Variants in ADCY10 observed in about 807,000 individuals in gnomAD.
ADCY10 encodes adenylate cyclase type 10.
ADCY10 carries 156 observed loss-of-function variants against 183.3 expected under a neutral mutation model. The observed-to-expected ratio is 0.85, with a 90% confidence interval of 0.75 to 0.97. The LOEUF is 0.97. Among genes scored for constraint, ADCY10 ranks in the 50% least tolerant of loss-of-function variants. ADCY10 has a pLI of 0.00. For synonymous variants in ADCY10, 645 were observed against 670.0 expected (o/e 0.96, Z 0.58); for missense variants, 1,745 against 1,934.3 (o/e 0.90, Z 1.84).
At chr1:167,872,162 A>G (rs902191703) in intron 13 of ADCY10, among the ~76,000 whole-genome samples, 2 of 152,122 alleles carry the variant, frequency 1.3e-5, no homozygotes, top group African/African-American at 4.8e-5. Flanking sequence ...AACATGGAGA[A>G]ACCCCGTCTC....
Position 167,848,445 on chromosome 1 carries a change from G to T in ADCY10, c.2353C>A (p.His785Asn), listed in dbSNP as rs200851103. 8.7e-6 allele frequency: 14 copies of T among 1,613,436 alleles called. No homozygotes were observed. The highest frequency in any genetic ancestry group is 1.1e-5 in the Non-Finnish European group (13 of 1,179,552). The change falls in exon 19 of 33, where the codon CAT (histidine) becomes AAT (asparagine). Residue 785 changes from histidine (H) to asparagine (N), a missense_variant. Physicochemically the swap from His to Asn is moderately conservative, Grantham distance 68. Coordinates refer to ENST00000367851, the MANE Select transcript of ADCY10 (RefSeq NM_018417.6). ...LTEKLNMVTL[H>N]SDKESEEVCH... ...ACTTCTTCACTTTCCTTATCACTAT[G>T]GAGAGTAACCATGTTTAACTTCTCT...
chr1:167,873,414 A>C (rs203822), intron 13 of ADCY10, among the ~76,000 whole-genome samples: 4 of 152,092 alleles, frequency 2.6e-5, no homozygotes, highest in Admixed American at 2.6e-4. Flanking sequence ...ATTGTGGCCC[A>C]ATATTTCTCC....
chr1:167,895,088 A>G (rs1446990058), intron 7 of ADCY10, among the ~76,000 whole-genome samples: 2 of 151,738 alleles, frequency 1.3e-5, no homozygotes, highest in African/African-American at 4.8e-5. Flanking sequence ...AGGCTGAGGC[A>G]GGAGAATCGC....
intron 6 of ADCY10, among the ~76,000 whole-genome samples, chr1:167,898,327 G>A (rs897728226): frequency 4.6e-5 from 7 of 152,134 alleles, no homozygotes; most frequent in Non-Finnish European, 5.9e-5. Flanking sequence ...GAGGCTGGGC[G>A]TGGTGGCTTA....
rs1664272405 is a variant in ADCY10 at position 167,837,196 on chromosome 1, T to A, written c.3077+53A>T. 5 of 1,483,984 alleles carry A rather than the reference T, an allele frequency of 3.4e-6. No homozygotes were observed. The Admixed American group carries it at 5.0e-5, about 15-fold the overall frequency. The allele number at this position is 1,483,984 out of a possible 1,614,324, so 91.9% of individuals were successfully genotyped here. ...CAAATGATTCTAATAGTGTTCTGAATTTAATGACAATTATTTATGCTCTAC... is the reference window on the plus strand; with the variant it reads ...CAAATGATTCTAATAGTGTTCTGAAATTAATGACAATTATTTATGCTCTAC... On this transcript the variant is annotated intron_variant, in intron 22 of 32. Coordinates refer to ENST00000367851, the MANE Select transcript of ADCY10 (RefSeq NM_018417.6).
chr1:167,842,022 A>G (rs571203507), intron 21 of ADCY10, among the ~76,000 whole-genome samples: 1 of 152,372 alleles, frequency 6.6e-6, no homozygotes, highest in East Asian at 1.9e-4. Context: ...AGGAGGGTAA[A>G]CCGTTGGAAT....
At chr1:167,894,791 C>T (rs943650682) in intron 7 of ADCY10, among the ~76,000 whole-genome samples, 16 of 152,048 alleles carry the variant, frequency 1.1e-4, no homozygotes, top group Non-Finnish European at 1.8e-4. Context: ...TCAGAAGTGC[C>T]GGTGGTCTGG....
At position 167,836,471 on chromosome 1, in the gene ADCY10, G is replaced by A. The variant is rs369311694; in HGVS notation, c.3147C>T (p.Asp1049=). ...DHVLTKMKTS[D]EDIIPLESCQ... ...AAGATTCCAGAGGGATAATGTCTTC[G>A]TCAGATGTCTTCATTTTTGTTAAAA... The change falls in exon 23 of 33, where the codon GAC becomes GAT. Residue 1049 remains aspartate, a synonymous_variant. Transcript: ENST00000367851. 1.2e-5 allele frequency: 19 copies of A among 1,614,094 alleles called. No homozygotes were observed. Among genetic ancestry groups the A allele is most frequent in the African/African-American group, 2.7e-5 (2 of 75,046 alleles).
chr1:167,826,225 T>TG (rs1663277202), intron 26 of ADCY10, among the ~76,000 whole-genome samples: 2 of 152,084 alleles, frequency 1.3e-5, no homozygotes, highest in Non-Finnish European at 2.9e-5. Flanking sequence ...GAAATGGTGG[T>TG]GGGGGAAGAG....
chr1:167,901,883 T>C, intron 4 of ADCY10, 78 bp from the exon 5 acceptor site: 2 of 1,601,584 alleles, frequency 1.2e-6, no homozygotes, highest in Middle Eastern at 1.7e-4. Context: ...GTATAGAAAC[T>C]TACTCATCAA....
chr1:167,840,923 T>C (rs1664581259), intron 21 of ADCY10, among the ~76,000 whole-genome samples: 1 of 148,022 alleles, frequency 6.8e-6, no homozygotes, highest in African/African-American at 2.5e-5. Flanking sequence ...TTTACCTAAC[T>C]AAATGAGAAT....
intron 8 of ADCY10, among the ~76,000 whole-genome samples, chr1:167,888,760 C>T (rs1668398014): frequency 6.7e-6 from 1 of 150,184 alleles, no homozygotes; most frequent in African/African-American, 2.5e-5. Flanking sequence ...CCTGTGGTCC[C>T]AGCTACTCAG....
intron 14 of ADCY10, among the ~76,000 whole-genome samples, chr1:167,869,746 C>A (rs1281604925): frequency 6.6e-6 from 1 of 152,180 alleles, no homozygotes; most frequent in Non-Finnish European, 1.5e-5. Flanking sequence ...CTCATGCAGA[C>A]CCCCTTAGAG....
intron 31 of ADCY10, among the ~76,000 whole-genome samples, chr1:167,817,465 C>T (rs1287446265): frequency 2.0e-5 from 3 of 152,162 alleles, no homozygotes; most frequent in East Asian, 1.9e-4. Context: ...ACAAGGCAAA[C>T]GTGTCAACCC....
intron 31 of ADCY10, among the ~76,000 whole-genome samples, chr1:167,816,785 G>A (rs565464485): frequency 3.0e-5 from 3 of 98,800 alleles, no homozygotes; most frequent in East Asian, 3.3e-4. Flanking sequence ...GTTGCTAATA[G>A]CTCTGACTTG....
At chr1:167,816,836 T>C (rs994476565) in intron 31 of ADCY10, among the ~76,000 whole-genome samples, 2 of 152,168 alleles carry the variant, frequency 1.3e-5, no homozygotes, top group African/African-American at 2.4e-5. Context: ...AAGGAAAATA[T>C]GTAGTTCAGA....
intron 16 of ADCY10, among the ~76,000 whole-genome samples, chr1:167,859,215 A>G (rs1305063915): frequency 1.3e-5 from 2 of 152,192 alleles, no homozygotes; most frequent in Non-Finnish European, 2.9e-5. Flanking sequence ...TGTTTATAAG[A>G]GAGGTGGGGA....
intron 31 of ADCY10, among the ~76,000 whole-genome samples, chr1:167,811,683 TA>T (rs753992041): frequency 4.4e-4 from 67 of 152,286 alleles, no homozygotes; most frequent in Non-Finnish European, 3.2e-4. Flanking sequence ...CTGCTGCCCC[TA>T]AGACTGGAGA....
chr1:167,857,962 A>G (rs545723647), intron 16 of ADCY10, among the ~76,000 whole-genome samples: 3 of 152,360 alleles, frequency 2.0e-5, no homozygotes, highest in Admixed American at 6.5e-5. Context: ...CTTTAGAGTT[A>G]GAACTCACAA....
Sources: gnomAD v4.1 joint callset for allele counts (sites outside exome capture counted in the v4.1 genomes callset) on GRCh38, gnomAD v4.1.1 for gene constraint, MANE v1.5 for transcripts, NCBI Gene and HGNC (gene_info 2026-07-23, HGNC 2026-07-21) for gene names.